Variants in ZNF326 observed in about 807,000 individuals in gnomAD.
ZNF326 encodes zinc finger protein 326, also known as DBIRD complex subunit ZNF326.
ZNF326 carries 30 observed loss-of-function variants against 63.1 expected under a neutral mutation model. The observed-to-expected ratio is 0.48, with a 90% CI of 0.36 to 0.64. The LOEUF is 0.64. Ranked by LOEUF, ZNF326 falls within the 30% of genes least tolerant of loss-of-function variation. The pLI is 0.00. For synonymous variants in ZNF326, 194 were observed against 228.2 expected (o/e 0.85, Z 1.35); for missense variants, 609 against 720.3 (o/e 0.85, Z 1.77).
chr1:90,027,603 G>C lies in ZNF326; in HGVS notation c.1651G>C (p.Glu551Gln), dbSNP rs771802449. 5 of 1,612,854 alleles carry C rather than the reference G, an allele frequency of 3.1e-6. No individual in the cohort carries two copies. The highest frequency in any genetic ancestry group is 4.2e-6 in the Non-Finnish European group (5 of 1,179,382). The stretch of plus-strand genomic sequence containing the variant: ...GGAAGTAGGGGTAGTGGGAGAAGTA[G>C]AGGGAGTGGGGGAAGTAGAGGAAGT... ...GGEVGVVGEV[E>Q]GVGEVEEVEE... The change falls in exon 12 of 12, where the codon GAG becomes CAG. Residue 551 changes from glutamate to glutamine, a missense_variant. Physicochemically the swap from Glu to Gln is conservative, Grantham distance 29. Around this residue, in one of 3 missense-constraint regions of ZNF326, gnomAD observed 399 missense variants for 444.3 expected, o/e 0.90. Transcript: ENST00000340281.
intron 1 of ZNF326, among the ~76,000 whole-genome samples, chr1:89,996,523 G>T (rs1052576086): frequency 6.6e-6 from 1 of 152,072 alleles, no homozygotes; most frequent in African/African-American, 2.4e-5. Flanking sequence ...GCACACTCTC[G>T]TGGTTTTGTT....
intron 9 of ZNF326, among the ~76,000 whole-genome samples, chr1:90,019,351 C>T (rs1192096445): frequency 6.6e-6 from 1 of 152,172 alleles, no homozygotes; most frequent in Non-Finnish European, 1.5e-5. Context: ...CCATGTATTA[C>T]ATTAAGCTAA....
rs1308331141 is a variant in ZNF326 at position 90,029,218 on chromosome 1, TC to T, written c.*1520del. The T allele has an allele frequency of 2.0e-5, 3 of 152,076 alleles. No individual in the cohort carries two copies. The highest frequency in any genetic ancestry group is 7.2e-5 in the African/African-American group (3 of 41,424). 9.4% of individuals were successfully genotyped at this position (152,076 alleles called of 1,614,324 possible). Reference sequence around the variant, plus strand: ...GGTGAATGTATGGACATTTGTAGAATCCCACAGATAATTTATCTTTTTGTGT... The same window carrying T: ...GGTGAATGTATGGACATTTGTAGAATCCACAGATAATTTATCTTTTTGTGT... On this transcript the variant is annotated 3_prime_UTR_variant, in exon 12 of 12. Coordinates refer to ENST00000340281, the MANE Select transcript of ZNF326 (RefSeq NM_182976.4).
chr1:90,006,727 A>G (rs1649011761), intron 4 of ZNF326, among the ~76,000 whole-genome samples: 1 of 152,198 alleles, frequency 6.6e-6, no homozygotes. Context: ...GTCTACAAGT[A>G]AAAAGTGATT....
Position 90,028,600 on chromosome 1 carries a change from T to G in ZNF326, c.*899T>G. 1 of 152,236 alleles carries G rather than the reference T, an allele frequency of 6.6e-6. No homozygotes were observed. The highest frequency in any genetic ancestry group is 1.5e-5 in the Non-Finnish European group (1 of 68,038). 9.4% of individuals were successfully genotyped at this position (152,236 alleles called of 1,614,324 possible). A position where few individuals can be genotyped will look rare whatever the true frequency, so the allele number is the denominator to read the frequency against. ...GGCTGAAGAACCAAGAAGCAGACTT[T>G]TCTTTTAAAAGAATTATTTCTCTTT... is the stretch of plus-strand genomic sequence containing the variant. On this transcript the variant is annotated 3_prime_UTR_variant, in exon 12 of 12. Transcript: ENST00000340281.
rs538918571 is a variant in ZNF326 at position 90,007,165 on chromosome 1, T to C, written c.210-180T>C. ...TTATAATCTGACTCAGATAGCTTTCTATCTGGTCTCACGTTGAACTGCCCA... is the reference window on the plus strand; with the variant it reads ...TTATAATCTGACTCAGATAGCTTTCCATCTGGTCTCACGTTGAACTGCCCA... On this transcript the variant is annotated intron_variant, in intron 4 of 11. Transcript: ENST00000340281. The surrounding 1 kb of genome is among the most constrained non-coding windows in gnomAD (Gnocchi z 4.9). 3.9e-5 allele frequency among the ~76,000 whole-genome samples: 6 copies of C among 152,340 alleles called. No individual in the cohort carries two copies. In the South Asian group the frequency reaches 8.3e-4, roughly 21 times the overall value.
intron 9 of ZNF326, 26 bp downstream of exon 9, chr1:90,018,810 A>T: frequency 7.5e-7 from 1 of 1,330,144 alleles, no homozygotes. Flanking sequence ...AAATTATTTT[A>T]AAATTCTACA....
In ZNF326 at chr1:90,005,300, ATTATT is replaced by A. The variant is rs754403543; in HGVS notation, c.209+60_209+64del. ...TAGACAACTATAAGATTTTGGATAT[ATTATT>A]TTAAGTACTCTTTAGGCATGTTATG... On this transcript the variant is annotated intron_variant, in intron 4 of 11. Transcript: ENST00000340281. 15 of 1,576,086 alleles carry A rather than the reference ATTATT, an allele frequency of 9.5e-6. No homozygotes were observed. In the East Asian group the frequency reaches 1.3e-4, roughly 14 times the overall value.
intron 11 of ZNF326, among the ~76,000 whole-genome samples, chr1:90,025,132 G>C (rs922170679): frequency 4.6e-5 from 7 of 151,826 alleles, no homozygotes; most frequent in African/African-American, 1.7e-4. Flanking sequence ...TACTTTGCAC[G>C]TGCTCTTTGC....
At chr1:90,005,289 A>G in intron 4 of ZNF326, 45 bp downstream of exon 4, 1 of 1,586,066 alleles carries the variant, frequency 6.3e-7, no homozygotes, top group African/African-American at 1.4e-5. Flanking sequence ...CAACTATAAG[A>G]TTTTGGATAT....
At chr1:90,005,873 C>T in intron 4 of ZNF326, 4 of 985,396 alleles carry the variant, frequency 4.1e-6, no homozygotes, top group Non-Finnish European at 3.6e-6. Flanking sequence ...GAATACTATA[C>T]CTTTGACTAG....
Position 90,005,166 on chromosome 1 carries a change from G to A in ZNF326, c.131G>A (p.Gly44Glu), listed in dbSNP as rs1186471009. The A allele has an allele frequency of 3.7e-6, 6 of 1,613,804 alleles. No individual in the cohort carries two copies. Among genetic ancestry groups the A allele is most frequent in the African/African-American group, 2.7e-5 (2 of 74,876 alleles). ...CGTGACTATGGCCATGGATCCTATG[G>A]GGGTCAGAGATCCATGGATTCCTAC... ...MDRDYGHGSY[G>E]GQRSMDSYLN... Residue 44 changes from glycine to glutamate, a missense_variant, in exon 4 of 12, where the codon GGG becomes GAG. Physicochemically the swap from Gly to Glu is moderately conservative, Grantham distance 98 (BLOSUM62 -2). Around this residue, in one of 3 missense-constraint regions of ZNF326, gnomAD observed 97 missense variants for 88.7 expected, o/e 1.09. Transcript: ENST00000340281.
At chr1:89,995,351 A>G in intron 1 of ZNF326, 78 bp downstream of exon 1, 1 of 1,494,634 alleles carries the variant, frequency 6.7e-7, no homozygotes, top group East Asian at 2.8e-5. Context: ...TTACCGTCTC[A>G]AGATGGCCGT....
rs1650068024 is a variant in ZNF326 at position 90,027,475 on chromosome 1, A to AAGC, written c.1526_1528dup (p.Ala509dup). 6.2e-7 allele frequency: 1 copy of AAGC among 1,613,728 alleles called. No homozygotes were observed. On this transcript the variant is annotated inframe_insertion, in exon 12 of 12. Coordinates refer to ENST00000340281, the MANE Select transcript of ZNF326 (RefSeq NM_182976.4). ...GAGGAGGATGAAGATGAGGAAGAAG[A>AAGC]AGCAGAGGAAGTGGGGGAAGTAGAG...
Position 90,032,208 on chromosome 1 carries a change from A to G in ZNF326, c.*4507A>G, listed in dbSNP as rs556332040. 3 of 152,170 alleles carry G rather than the reference A, an allele frequency of 2.0e-5. No individual in the cohort carries two copies. The highest frequency in any genetic ancestry group is 4.4e-5 in the Non-Finnish European group (3 of 68,038). 9.4% of individuals were successfully genotyped at this position (152,170 alleles called of 1,614,324 possible). On this transcript the variant is annotated 3_prime_UTR_variant, in exon 12 of 12. Coordinates refer to ENST00000340281, the MANE Select transcript of ZNF326 (RefSeq NM_182976.4). Reference sequence around the variant, plus strand: ...TTCCCAGAGGTCTGTTGTGAATTCTAATGCTTTCAGAAAATATTACGGAGA... The same window carrying G: ...TTCCCAGAGGTCTGTTGTGAATTCTGATGCTTTCAGAAAATATTACGGAGA...
Position 90,027,796 on chromosome 1 carries a change from A to G in ZNF326, c.*95A>G. ...TAGCTTAAAATATGAATTAACACCCATGTTGCATGCATTCCACATATTAAA... is the reference window on the plus strand; with the variant it reads ...TAGCTTAAAATATGAATTAACACCCGTGTTGCATGCATTCCACATATTAAA... On this transcript the variant is annotated 3_prime_UTR_variant, in exon 12 of 12. Coordinates refer to ENST00000340281, the MANE Select transcript of ZNF326 (RefSeq NM_182976.4). The G allele has an allele frequency of 9.0e-7, 1 of 1,113,998 alleles. No individual in the cohort carries two copies. Among genetic ancestry groups the G allele is most frequent in the Non-Finnish European group, 1.3e-6 (1 of 761,390 alleles). The allele number at this position is 1,113,998 out of a possible 1,614,324, so 69.0% of individuals were successfully genotyped here. A position where few individuals can be genotyped will look rare whatever the true frequency, so the allele number is the denominator to read the frequency against.
intron 1 of ZNF326, 48 bp downstream of exon 1, chr1:89,995,321 G>A: frequency 2.0e-6 from 3 of 1,528,436 alleles, no homozygotes; most frequent in Non-Finnish European, 2.6e-6. Flanking sequence ...GAGGCGGGGT[G>A]GCCTACGCAG....
At position 90,007,357 on chromosome 1, in the gene ZNF326, T is replaced by C. The variant is rs1356004474; in HGVS notation, c.222T>C (p.Tyr74=). The change falls in exon 5 of 12, where the codon TAT becomes TAC. Residue 74 remains tyrosine (Y), a synonymous_variant. Coordinates refer to ENST00000340281, the MANE Select transcript of ZNF326 (RefSeq NM_182976.4). This position sits in a 1 kb window ranked among gnomAD's most constrained non-coding sequence, Gnocchi z 4.9. The part of the protein sequence containing the change: ...GGGGGSRFGP[Y]ESYDSRSSLG... Reference sequence around the variant, plus strand: ...GCAACTTTTCCAGGTTTGGACCTTATGAGTCTTACGACTCCAGGTCTTCTC... The same window carrying C: ...GCAACTTTTCCAGGTTTGGACCTTACGAGTCTTACGACTCCAGGTCTTCTC... 5 of 1,605,940 alleles carry C rather than the reference T, an allele frequency of 3.1e-6. No individual in the cohort carries two copies. Among genetic ancestry groups the C allele is most frequent in the African/African-American group, 1.3e-5 (1 of 74,448 alleles).
chr1:90,031,166 T>C lies in ZNF326; in HGVS notation c.*3465T>C, dbSNP rs903498474. 7.9e-5 allele frequency: 12 copies of C among 152,236 alleles called. No individual in the cohort carries two copies. Among genetic ancestry groups the C allele is most frequent in the African/African-American group, 2.9e-4 (12 of 41,464 alleles). The allele number at this position is 152,236 out of a possible 1,614,324, so 9.4% of individuals were successfully genotyped here. A position where few individuals can be genotyped will look rare whatever the true frequency, so the allele number is the denominator to read the frequency against. On this transcript the variant is annotated 3_prime_UTR_variant, in exon 12 of 12. Transcript: ENST00000340281. ...AATACTTTCTGAAAGCACTGGAATC[T>C]ATAACAGACCTGTGGGAGTCAGAAA...
Sources: gnomAD v4.1 joint callset for allele counts (sites outside exome capture counted in the v4.1 genomes callset) on GRCh38, gnomAD v4.1.1 for gene constraint, gnomAD v4.1.1 regional missense constraint, Gnocchi (gnomAD v3.1) non-coding constraint, MANE v1.5 for transcripts, NCBI Gene and HGNC (gene_info 2026-07-23, HGNC 2026-07-21) for gene names.